Variants in PTPRD observed in about 807,000 individuals in gnomAD.
PTPRD encodes protein tyrosine phosphatase receptor type D, also known as receptor-type tyrosine-protein phosphatase delta.
PTPRD carries 34 observed loss-of-function variants against 214.5 expected under a neutral mutation model. The observed-to-expected ratio is 0.16, with a 90% CI of 0.12 to 0.21. PTPRD has a LOEUF of 0.21. Among genes scored for constraint, PTPRD ranks in the 10% least tolerant of loss-of-function variants. PTPRD has a pLI of 1.00. For missense variants in PTPRD, 2,545 were observed against 2,398.7 expected, an observed-to-expected ratio of 1.06 and a Z score of -1.27; for synonymous variants, 1,128 against 845.7, an observed-to-expected ratio of 1.33 and a Z score of -5.79.
At chr9:10,486,826 C>A in intron 2 of PTPRD, among the ~76,000 whole-genome samples, 1 of 152,076 alleles carries the variant, frequency 6.6e-6, no homozygotes, top group East Asian at 1.9e-4. Flanking sequence ...TCCATTTGGT[C>A]TTTAGTACAG....
chr9:9,851,334 C>G (rs966036108), intron 5 of PTPRD, among the ~76,000 whole-genome samples: 2 of 152,294 alleles, frequency 1.3e-5, no homozygotes, highest in South Asian at 4.1e-4. Flanking sequence ...GTCAGGCCAG[C>G]CTTGGCATGG....
rs138021524 is a variant in PTPRD at position 10,262,527 on chromosome 9, T to C, written c.-545+78436A>G. Among the ~76,000 whole-genome samples the C allele has an allele frequency of 4.1e-3, 629 of 152,310 alleles. 6 individuals are homozygous for C. The highest frequency in any genetic ancestry group is 0.033 in the East Asian group (169 of 5,172). On this transcript the variant is annotated intron_variant, in intron 3 of 45. Transcript: ENST00000381196. ...GTTCATGTTGTTAACTACTATCCTA[T>C]ACCATCCATGTAGGATACATAATTG...
intron 3 of PTPRD, among the ~76,000 whole-genome samples, chr9:10,329,535 T>A (rs1481381625): frequency 6.6e-6 from 1 of 151,868 alleles, no homozygotes; most frequent in Admixed American, 6.6e-5. Context: ...AATCAAATGG[T>A]CTGTCTGTCT....
At chr9:9,824,617 T>C (rs1298366860) in intron 5 of PTPRD, among the ~76,000 whole-genome samples, 5 of 152,042 alleles carry the variant, frequency 3.3e-5, no homozygotes. Flanking sequence ...TAGTCTTTCT[T>C]ACAAAGAAAA....
chr9:9,072,922 T>A (rs778148682), intron 10 of PTPRD, among the ~76,000 whole-genome samples: 1 of 152,198 alleles, frequency 6.6e-6, no homozygotes, highest in Non-Finnish European at 1.5e-5. Context: ...TATGAAGGCA[T>A]ATAAAAAATT....
intron 4 of PTPRD, among the ~76,000 whole-genome samples, chr9:9,942,891 AGTT>A (rs148080217): frequency 0.097 from 13,718 of 142,148 alleles, 1,257 homozygotes; most frequent in East Asian, 0.27. Context: ...CATTGCTCTG[AGTT>A]GTTTTTTTTT....
At chr9:10,107,945 G>C (rs66496640) in intron 3 of PTPRD, among the ~76,000 whole-genome samples, 1 of 151,972 alleles carries the variant, frequency 6.6e-6, no homozygotes, top group African/African-American at 2.4e-5. Flanking sequence ...TAGTGTAAAA[G>C]TCATTGGTTC....
chr9:8,460,020 G>A (rs962545922), intron 33 of PTPRD, among the ~76,000 whole-genome samples: 5 of 151,966 alleles, frequency 3.3e-5, no homozygotes, highest in Admixed American at 6.6e-5. Context: ...TTGCAAAATC[G>A]TGATAGTGTT....
At chr9:9,984,015 A>AC (rs1355806059) in intron 4 of PTPRD, among the ~76,000 whole-genome samples, 8 of 152,164 alleles carry the variant, frequency 5.3e-5, no homozygotes, top group African/African-American at 1.7e-4. Flanking sequence ...TCGAAGTAAA[A>AC]CAAAAAAATT....
chr9:9,604,228 G>A (rs1303020507), intron 7 of PTPRD, among the ~76,000 whole-genome samples: 1 of 152,108 alleles, frequency 6.6e-6, no homozygotes, highest in East Asian at 1.9e-4. Context: ...AACACATCCT[G>A]TAGAAATGCA....
At chr9:9,407,556 C>A (rs573969549) in intron 8 of PTPRD, among the ~76,000 whole-genome samples, 1 of 151,798 alleles carries the variant, frequency 6.6e-6, no homozygotes, top group South Asian at 2.1e-4. Context: ...TTTCCACAAT[C>A]AACACAAAAT....
At chr9:9,638,820 G>A (rs569513981) in intron 7 of PTPRD, among the ~76,000 whole-genome samples, 81 of 152,254 alleles carry the variant, frequency 5.3e-4, no homozygotes, top group African/African-American at 1.8e-3. Flanking sequence ...CAGATTTGGT[G>A]TCTGGTGAGG....
At chr9:10,168,702 A>C (rs1227185396) in intron 3 of PTPRD, among the ~76,000 whole-genome samples, 2 of 152,244 alleles carry the variant, frequency 1.3e-5, no homozygotes, top group Non-Finnish European at 2.9e-5. Flanking sequence ...TCTGTCACTC[A>C]CTAATTCAAT....
At chr9:8,757,587 T>A (rs141087404) in intron 11 of PTPRD, among the ~76,000 whole-genome samples, 187 of 149,550 alleles carry the variant, frequency 1.3e-3, no homozygotes, top group Middle Eastern at 7.0e-3. Context: ...AGTGATAGAG[T>A]TGGAGTTAGA....
chr9:9,467,234 T>TTTTTC (rs1569568586), intron 8 of PTPRD, among the ~76,000 whole-genome samples: 17 of 123,042 alleles, frequency 1.4e-4, no homozygotes, highest in East Asian at 2.7e-4. Context: ...TTTTTTTTTT[T>TTTTTC]TTTAACCTAA....
intron 14 of PTPRD, among the ~76,000 whole-genome samples, chr9:8,542,674 C>CT (rs1304837097): frequency 2.6e-5 from 4 of 152,254 alleles, no homozygotes; most frequent in Non-Finnish European, 4.4e-5. Flanking sequence ...AAGCAAGTGT[C>CT]TGTCAGTTGA....
chr9:9,832,665 T>C (rs902680972), intron 5 of PTPRD, among the ~76,000 whole-genome samples: 3 of 151,956 alleles, frequency 2.0e-5, no homozygotes, highest in African/African-American at 4.8e-5. Context: ...AGGAAGCTTT[T>C]AAAAAGAGTT....
intron 10 of PTPRD, among the ~76,000 whole-genome samples, chr9:9,038,873 T>A (rs970486559): frequency 6.6e-6 from 1 of 152,142 alleles, no homozygotes; most frequent in Non-Finnish European, 1.5e-5. Context: ...TATTTTTTTT[T>A]AATTTAAAAA....
intron 5 of PTPRD, among the ~76,000 whole-genome samples, chr9:9,824,513 T>C (rs2051987800): frequency 6.6e-6 from 1 of 151,988 alleles, no homozygotes; most frequent in Non-Finnish European, 1.5e-5. Flanking sequence ...ATATAAAGTT[T>C]TACTGTTATG....
Sources: gnomAD v4.1 joint callset for allele counts (sites outside exome capture counted in the v4.1 genomes callset) on GRCh38, gnomAD v4.1.1 for gene constraint, MANE v1.5 for transcripts, NCBI Gene and HGNC (gene_info 2026-07-23, HGNC 2026-07-21) for gene names.